The following ANKS1B variants were observed in gnomAD, a reference collection of about 807,000 sequenced individuals.
The protein encoded by ANKS1B is ankyrin repeat and sterile alpha motif domain containing 1B.
ANKS1B carries 36 observed loss-of-function variants against 148.3 expected under a neutral mutation model. The ratio of observed to expected loss-of-function variants is 0.24; its 90% CI spans 0.19 to 0.32. The LOEUF is 0.32. Ranked by LOEUF, ANKS1B falls within the 10% of genes least tolerant of loss-of-function variation. The pLI, the probability that ANKS1B is intolerant of heterozygous loss-of-function variation, is 1.00. For synonymous variants in ANKS1B, 542 were observed against 560.8 expected, an observed-to-expected ratio of 0.97 and a Z score of 0.47; for missense variants, 1,157 against 1,542.6, an observed-to-expected ratio of 0.75 and a Z score of 4.19.
chr12:99,188,054 G>T (rs1356986210), intron 14 of ANKS1B, among the ~76,000 whole-genome samples: 2 of 152,022 alleles, frequency 1.3e-5, no homozygotes, highest in African/African-American at 4.8e-5. Flanking sequence ...CCTAGTCTCT[G>T]ATAAAACAGA....
At chr12:99,948,378 TA>T (rs35882325) in intron 1 of ANKS1B, among the ~76,000 whole-genome samples, 17,911 of 142,722 alleles carry the variant, frequency 0.13, 1,405 homozygotes, top group Middle Eastern at 0.19. Context: ...AAGAAAGAAT[TA>T]AAAAAAAAAA....
chr12:99,404,518 T>C (rs2094487939), intron 11 of ANKS1B, among the ~76,000 whole-genome samples: 1 of 145,410 alleles, frequency 6.9e-6, no homozygotes, highest in African/African-American at 2.6e-5. Flanking sequence ...GAAGAATGCA[T>C]TAGAATCTGT....
intron 8 of ANKS1B, among the ~76,000 whole-genome samples, chr12:99,680,992 G>T (rs559299867): frequency 6.6e-6 from 1 of 152,060 alleles, no homozygotes; most frequent in Non-Finnish European, 1.5e-5. Flanking sequence ...GCCATAGCAA[G>T]TCCTGCCCAA....
intron 10 of ANKS1B, among the ~76,000 whole-genome samples, chr12:99,469,821 C>A (rs2152898591): frequency 6.6e-6 from 1 of 152,036 alleles, no homozygotes; most frequent in South Asian, 2.1e-4. Flanking sequence ...AGAAAAATAT[C>A]ATTCATAAAA....
chr12:99,110,194 A>G lies in ANKS1B; in HGVS notation c.2527-25171T>C, dbSNP rs142386395. Among the ~76,000 whole-genome samples, 527 of 152,276 alleles carry G rather than the reference A, an allele frequency of 3.5e-3. 6 individuals are homozygous for G. Among genetic ancestry groups the G allele is most frequent in the African/African-American group, 0.012 (481 of 41,558 alleles). The stretch of plus-strand genomic sequence containing the variant: ...CTAGGTGTTGTAAGATAGATGAGAA[A>G]CTGCAAGTCAAGGTGTGAGTTCAAT... On this transcript the variant is annotated intron_variant, in intron 15 of 26. Coordinates refer to ENST00000683438, the MANE Select transcript of ANKS1B (RefSeq NM_001352186.2).
intron 12 of ANKS1B, among the ~76,000 whole-genome samples, chr12:99,365,424 G>A (rs1004679871): frequency 6.6e-6 from 1 of 152,178 alleles, no homozygotes; most frequent in Non-Finnish European, 1.5e-5. Context: ...CACTAGCCAG[G>A]CTGCTCTCCT....
chr12:99,026,496 G>A (rs1042139311), intron 17 of ANKS1B, among the ~76,000 whole-genome samples: 10 of 152,058 alleles, frequency 6.6e-5, no homozygotes. Context: ...ACCTAAGACA[G>A]CCCTTCCCCA....
intron 1 of ANKS1B, among the ~76,000 whole-genome samples, chr12:99,968,164 A>G (rs2095510883): frequency 6.6e-6 from 1 of 152,194 alleles, no homozygotes; most frequent in East Asian, 1.9e-4. Flanking sequence ...GTTTTCCTAC[A>G]CAGCCTAACA....
chr12:99,078,873 T>G (rs989221843), intron 16 of ANKS1B, among the ~76,000 whole-genome samples: 2 of 152,098 alleles, frequency 1.3e-5, no homozygotes, highest in Admixed American at 6.6e-5. Flanking sequence ...AAAGATGGGA[T>G]GTCACTTGTG....
chr12:98,923,462 C>A (rs1263079920), intron 17 of ANKS1B, among the ~76,000 whole-genome samples: 1 of 152,166 alleles, frequency 6.6e-6, no homozygotes, highest in Admixed American at 6.5e-5. Context: ...TGAAGGGAGG[C>A]TTTGGTTTGC....
chr12:98,928,630 C>A (rs569768865), intron 17 of ANKS1B, among the ~76,000 whole-genome samples: 1 of 151,820 alleles, frequency 6.6e-6, no homozygotes, highest in Non-Finnish European at 1.5e-5. Context: ...ATTTAACATA[C>A]AAACATAAAT....
intron 9 of ANKS1B, among the ~76,000 whole-genome samples, chr12:99,590,624 G>C (rs958887884): frequency 3.9e-5 from 6 of 152,138 alleles, no homozygotes; most frequent in Non-Finnish European, 5.9e-5. Flanking sequence ...TTTTTTGAGG[G>C]CAAGTGCCAT....
chr12:98,904,576 T>C (rs548178071), intron 17 of ANKS1B, among the ~76,000 whole-genome samples: 1 of 152,232 alleles, frequency 6.6e-6, no homozygotes, highest in African/African-American at 2.4e-5. Context: ...ATAACACTTT[T>C]ATGTTCAGCC....
intron 26 of ANKS1B, among the ~76,000 whole-genome samples, chr12:98,748,863 C>A (rs561099099): frequency 6.6e-6 from 1 of 152,292 alleles, no homozygotes; most frequent in South Asian, 2.1e-4. Flanking sequence ...CAGATAGAGG[C>A]ACCTGCTGTG....
chr12:99,380,421 AGT>A (rs766152077), intron 12 of ANKS1B, among the ~76,000 whole-genome samples: 45,624 of 151,762 alleles, frequency 0.3, 7,898 homozygotes, highest in East Asian at 0.48. Flanking sequence ...TTAATTTTGT[AGT>A]TTTTAGAAAC....
chr12:99,462,698 C>T (rs2096003208), intron 10 of ANKS1B, among the ~76,000 whole-genome samples: 1 of 152,142 alleles, frequency 6.6e-6, no homozygotes. Context: ...TACTTGTCTC[C>T]TCCAAATCTC....
intron 16 of ANKS1B, among the ~76,000 whole-genome samples, chr12:99,055,805 A>T (rs1180559890): frequency 2.0e-5 from 3 of 152,260 alleles, no homozygotes; most frequent in African/African-American, 7.2e-5. Context: ...ACATGGTTGG[A>T]AAGTTATTGG....
chr12:99,636,507 T>A (rs2098237743), intron 9 of ANKS1B, among the ~76,000 whole-genome samples: 1 of 152,218 alleles, frequency 6.6e-6, no homozygotes, highest in Non-Finnish European at 1.5e-5. Context: ...TCACTAGTGT[T>A]TCTTATGCCT....
chr12:99,753,894 G>A (rs908022012), intron 8 of ANKS1B, among the ~76,000 whole-genome samples: 1 of 151,900 alleles, frequency 6.6e-6, no homozygotes, highest in African/African-American at 2.4e-5. Flanking sequence ...ATGGTGCTGG[G>A]CACCTGTAAT....
Sources: allele counts gnomAD v4.1 joint callset (sites outside exome capture counted in the v4.1 genomes callset), GRCh38; gene constraint gnomAD v4.1.1; transcripts MANE v1.5; gene names NCBI Gene and HGNC (gene_info 2026-07-23, HGNC 2026-07-21).